The following DOCK3 variants were observed in gnomAD, a reference collection of about 807,000 sequenced individuals.
DOCK3 encodes the protein dedicator of cytokinesis 3.
DOCK3 carries 60 observed loss-of-function variants against 265.6 expected under a neutral mutation model. The ratio of observed to expected loss-of-function variants is 0.23; its 90% CI spans 0.18 to 0.28. The LOEUF is 0.28. Ranked by LOEUF, DOCK3 falls within the 10% of genes least tolerant of loss-of-function variation. The pLI, the probability that DOCK3 is intolerant of heterozygous loss-of-function variation, is 1.00. For missense variants in DOCK3, 1,981 were observed against 2,594.3 expected, an observed-to-expected ratio of 0.76 and a Z score of 5.14; for synonymous variants, 881 against 938.0, an observed-to-expected ratio of 0.94 and a Z score of 1.11.
At chr3:50,940,645 GAA>G (rs2076267720) in intron 5 of DOCK3, among the ~76,000 whole-genome samples, 1 of 152,040 alleles carries the variant, frequency 6.6e-6, no homozygotes, top group African/African-American at 2.4e-5. Flanking sequence ...ATTTTGAAAA[GAA>G]TAATAAAGTT....
At chr3:50,888,977 A>G (rs914482587) in intron 3 of DOCK3, among the ~76,000 whole-genome samples, 2 of 151,638 alleles carry the variant, frequency 1.3e-5, no homozygotes, top group Admixed American at 6.6e-5. Context: ...TACAAAACTC[A>G]TTACTGTAGT....
At chr3:51,053,642 C>G (rs1462309687) in intron 5 of DOCK3, among the ~76,000 whole-genome samples, 1 of 151,952 alleles carries the variant, frequency 6.6e-6, no homozygotes, top group African/African-American at 2.4e-5. Flanking sequence ...AGGATGGTCT[C>G]TATCTCCTGA....
chr3:51,187,413 G>T (rs950786771), intron 12 of DOCK3, among the ~76,000 whole-genome samples: 1 of 152,188 alleles, frequency 6.6e-6, no homozygotes, highest in Admixed American at 6.5e-5. Flanking sequence ...CAGACTCATA[G>T]GTGGAAGGGA....
At chr3:51,050,615 C>T (rs2080961391) in intron 5 of DOCK3, among the ~76,000 whole-genome samples, 2 of 152,126 alleles carry the variant, frequency 1.3e-5, no homozygotes, top group Admixed American at 1.3e-4. Context: ...TGGTATAATT[C>T]AGTCTGAGTC....
intron 1 of DOCK3, among the ~76,000 whole-genome samples, chr3:50,736,788 C>G (rs1336859926): frequency 6.7e-6 from 1 of 150,218 alleles, no homozygotes; most frequent in Non-Finnish European, 1.5e-5. Context: ...GCTCCGCCTC[C>G]CAGGTTCATG....
intron 43 of DOCK3, 64 bp downstream of exon 43, chr3:51,356,557 C>T: frequency 6.5e-7 from 1 of 1,527,930 alleles, no homozygotes; most frequent in Middle Eastern, 1.7e-4. Context: ...CTCTGGGGGC[C>T]CTTCTCTAAG....
chr3:51,000,543 G>T (rs141324368), intron 5 of DOCK3, among the ~76,000 whole-genome samples: 1 of 152,142 alleles, frequency 6.6e-6, no homozygotes, highest in Non-Finnish European at 1.5e-5. Flanking sequence ...CTTTTTCTTG[G>T]TTTAGCATTT....
At chr3:51,133,145 T>C (rs2084636311) in intron 9 of DOCK3, among the ~76,000 whole-genome samples, 1 of 152,164 alleles carries the variant, frequency 6.6e-6, no homozygotes, top group African/African-American at 2.4e-5. Flanking sequence ...TGCACTACAC[T>C]CGAAAAGAAC....
intron 9 of DOCK3, among the ~76,000 whole-genome samples, chr3:51,103,976 A>G (rs907043623): frequency 5.9e-5 from 9 of 152,224 alleles, no homozygotes; most frequent in Admixed American, 4.6e-4. Flanking sequence ...GACATGTTCA[A>G]TTATTTATAT....
intron 6 of DOCK3, among the ~76,000 whole-genome samples, chr3:51,069,585 T>C (rs1393550267): frequency 1.3e-5 from 2 of 152,042 alleles, no homozygotes; most frequent in African/African-American, 4.8e-5. Flanking sequence ...TATGTGTGTG[T>C]GTGTGTATAT....
chr3:50,780,585 G>C lies in DOCK3; in HGVS notation c.121+1827G>C, dbSNP rs137958042. 4.0e-3 allele frequency among the ~76,000 whole-genome samples: 608 copies of C among 152,204 alleles called. 19 individuals carry two copies. The highest frequency in any genetic ancestry group is 0.033 in the Admixed American group (510 of 15,290). ...ATTTTTTAATTGACAAATAATAGTT[G>C]TATTCATGGGTACATAGTGATGTTT... is the stretch of plus-strand genomic sequence containing the variant. On this transcript the variant is annotated intron_variant, in intron 2 of 52. Transcript: ENST00000266037.
At chr3:51,049,049 A>G (rs1358333253) in intron 5 of DOCK3, among the ~76,000 whole-genome samples, 1 of 152,306 alleles carries the variant, frequency 6.6e-6, no homozygotes, top group East Asian at 1.9e-4. Flanking sequence ...ACTGTAGGCT[A>G]GGCGCTGTGG....
intron 27 of DOCK3, among the ~76,000 whole-genome samples, chr3:51,307,405 C>A (rs1214863579): frequency 6.6e-6 from 1 of 152,178 alleles, no homozygotes; most frequent in African/African-American, 2.4e-5. Flanking sequence ...ATGTGAGCCA[C>A]CATGCCTGGA....
intron 1 of DOCK3, among the ~76,000 whole-genome samples, chr3:50,772,295 C>T (rs1277920544): frequency 4.6e-5 from 7 of 151,926 alleles, no homozygotes; most frequent in South Asian, 2.1e-4. Context: ...CTAGAGGGTG[C>T]GAAGGGTAGT....
rs539218685 is a variant in DOCK3 at position 50,804,228 on chromosome 3, G to A, written c.121+25470G>A. Among the ~76,000 whole-genome samples, 666 of 151,908 alleles carry A rather than the reference G, an allele frequency of 4.4e-3. 7 individuals are homozygous for A. The highest frequency in any genetic ancestry group is 0.015 in the African/African-American group (625 of 41,444). On this transcript the variant is annotated intron_variant, in intron 2 of 52. Coordinates refer to ENST00000266037, the MANE Select transcript of DOCK3 (RefSeq NM_004947.5). ...TCACTTCCTAGATAGGATGGCGGCC[G>A]GGAAGAGGCGCTCCTCACTTCCCAG... is the stretch of plus-strand genomic sequence containing the variant.
chr3:50,837,840 C>T (rs565771535), intron 2 of DOCK3, among the ~76,000 whole-genome samples: 15 of 152,126 alleles, frequency 9.9e-5, no homozygotes, highest in Admixed American at 5.9e-4. Context: ...GGTGCTGAGG[C>T]GGGAGCCTGC....
At chr3:51,167,664 C>T (rs111980581) in intron 12 of DOCK3, among the ~76,000 whole-genome samples, 41 of 152,062 alleles carry the variant, frequency 2.7e-4, no homozygotes, top group African/African-American at 9.4e-4. Context: ...AGATCATTCA[C>T]TTTCTTGGTT....
intron 1 of DOCK3, among the ~76,000 whole-genome samples, chr3:50,693,267 A>G (rs1381638166): frequency 2.0e-5 from 3 of 152,228 alleles, no homozygotes; most frequent in South Asian, 4.1e-4. Context: ...TGCAAAGAAT[A>G]CAGTTGGGAT....
intron 19 of DOCK3, 66 bp from the exon 20 acceptor site, chr3:51,236,279 G>A: frequency 8.5e-7 from 1 of 1,172,186 alleles, no homozygotes; most frequent in Non-Finnish European, 1.3e-6. Context: ...TAAATTCATT[G>A]ATTTATGGAA....
Sources: gnomAD v4.1 joint callset for allele counts (sites outside exome capture counted in the v4.1 genomes callset) on GRCh38, gnomAD v4.1.1 for gene constraint, MANE v1.5 for transcripts, NCBI Gene and HGNC (gene_info 2026-07-23, HGNC 2026-07-21) for gene names.